Variants in RORA observed in about 807,000 individuals in gnomAD.
The protein encoded by RORA is nuclear receptor ROR-alpha.
A neutral mutation model predicts 69.5 loss-of-function variants in RORA; 7 were observed. The observed-to-expected ratio is 0.10, with a 90% CI of 0.06 to 0.19. The LOEUF (loss-of-function observed/expected upper bound fraction) is 0.19, where lower values mean the gene tolerates loss of function less well. RORA is among the 10% of genes least tolerant of loss of function. The pLI, the probability that RORA is intolerant of heterozygous loss-of-function variation, is 1.00. For synonymous variants in RORA, 261 were observed against 240.8 expected (o/e 1.08, Z -0.78); for missense variants, 457 against 663.0 (o/e 0.69, Z 3.41).
chr15:60,775,694 G>C (rs989732776), intron 1 of RORA, among the ~76,000 whole-genome samples: 2 of 152,132 alleles, frequency 1.3e-5, no homozygotes, highest in African/African-American at 4.8e-5. Context: ...ATATTCCCTG[G>C]GGGGAAACAA....
intron 1 of RORA, among the ~76,000 whole-genome samples, chr15:61,209,761 T>G (rs900039848): frequency 6.6e-6 from 1 of 152,240 alleles, no homozygotes; most frequent in African/African-American, 2.4e-5. Context: ...GTCAAATGGT[T>G]ACACAACATC....
At chr15:61,062,450 G>A (rs180775365) in intron 1 of RORA, among the ~76,000 whole-genome samples, 3 of 152,228 alleles carry the variant, frequency 2.0e-5, no homozygotes, top group Admixed American at 6.5e-5. Context: ...AGAGCCGGAC[G>A]CCAGGCCTGG....
chr15:60,751,536 T>A (rs1226825278), intron 1 of RORA, among the ~76,000 whole-genome samples: 1 of 152,192 alleles, frequency 6.6e-6, no homozygotes, highest in East Asian at 1.9e-4. Flanking sequence ...TTTATCCCAC[T>A]TTACAAATGA....
intron 1 of RORA, among the ~76,000 whole-genome samples, chr15:61,206,591 A>AC (rs1333016209): frequency 6.6e-6 from 1 of 152,038 alleles, no homozygotes; most frequent in Non-Finnish European, 1.5e-5. Context: ...CCCGCCCTTC[A>AC]CCCCGACCAC....
At chr15:60,597,929 A>G (rs2068733533) in intron 2 of RORA, among the ~76,000 whole-genome samples, 1 of 151,740 alleles carries the variant, frequency 6.6e-6, no homozygotes, top group African/African-American at 2.4e-5. Context: ...TACTTCTCCA[A>G]GAAGCCTTCT....
intron 1 of RORA, among the ~76,000 whole-genome samples, chr15:61,134,360 A>G (rs1319791100): frequency 6.6e-6 from 1 of 152,188 alleles, no homozygotes; most frequent in Non-Finnish European, 1.5e-5. Flanking sequence ...GGCTCTGCAG[A>G]CTGCTGCTGG....
At chr15:60,768,134 C>G (rs1043760381) in intron 1 of RORA, among the ~76,000 whole-genome samples, 1 of 152,192 alleles carries the variant, frequency 6.6e-6, no homozygotes. Flanking sequence ...TTCTCATCCC[C>G]CATCATGACA....
chr15:60,874,480 T>C (rs1216256083), intron 1 of RORA, among the ~76,000 whole-genome samples: 1 of 152,138 alleles, frequency 6.6e-6, no homozygotes, highest in Non-Finnish European at 1.5e-5. Context: ...CTGTCTTTTG[T>C]AAGACTCAAC....
rs1555444614 is a variant in RORA, at chr15:60,669,371, GTTTT to G, written c.196+9282_196+9285del. Among the ~76,000 whole-genome samples the G allele has an allele frequency of 7.2e-5, 8 of 111,204 alleles. No homozygotes were observed. The South Asian group carries it at 1.4e-3, about 19-fold the overall frequency. 73.0% of individuals were successfully genotyped at this position (111,204 alleles called of 152,430 possible). ...TGTTTGTTTGTTTGTTTGTTTGTTT[GTTTT>G]TTTAACGTAGTTGGTCACAGGAGCA... On this transcript the variant is annotated intron_variant, in intron 2 of 10. Transcript: ENST00000335670.
intron 1 of RORA, among the ~76,000 whole-genome samples, chr15:61,069,258 T>C (rs2078306997): frequency 6.6e-6 from 1 of 152,222 alleles, no homozygotes; most frequent in African/African-American, 2.4e-5. Flanking sequence ...ATAAACTAGT[T>C]GATCACTGCA....
At chr15:61,036,231 G>A (rs1050247854) in intron 1 of RORA, among the ~76,000 whole-genome samples, 1 of 152,134 alleles carries the variant, frequency 6.6e-6, no homozygotes, top group Non-Finnish European at 1.5e-5. Flanking sequence ...AATTCTACTA[G>A]AAAGACAGGA....
chr15:60,671,067 GATAT>G lies in RORA; in HGVS notation c.196+7586_196+7589del, dbSNP rs10577286. ...TCTTATATCTCCTATATATCCCATTGATATATATATATATATATATATATATATA... is the reference window on the plus strand; with the variant it reads ...TCTTATATCTCCTATATATCCCATTGATATATATATATATATATATATATA... On this transcript the variant is annotated intron_variant, in intron 2 of 10. Transcript: ENST00000335670. Among the ~76,000 whole-genome samples, 420 of 122,276 alleles carry G rather than the reference GATAT, an allele frequency of 3.4e-3. 22 individuals carry two copies. Among genetic ancestry groups the G allele is most frequent in the African/African-American group, 0.011 (266 of 24,604 alleles). The allele number at this position is 122,276 out of a possible 152,430, so 80.2% of individuals were successfully genotyped here. A position where few individuals can be genotyped will look rare whatever the true frequency, so the allele number is the denominator to read the frequency against.
At chr15:60,804,006 A>G (rs928380104) in intron 1 of RORA, among the ~76,000 whole-genome samples, 11 of 152,206 alleles carry the variant, frequency 7.2e-5, no homozygotes, top group Middle Eastern at 3.4e-3. Flanking sequence ...ATGAACTACC[A>G]GGGCCAGGTG....
intron 1 of RORA, among the ~76,000 whole-genome samples, chr15:60,702,159 C>T (rs1405689789): frequency 1.3e-5 from 2 of 152,148 alleles, no homozygotes; most frequent in Admixed American, 6.5e-5. Flanking sequence ...CTCAAAGCCT[C>T]GGCTTTCTCT....
intron 1 of RORA, among the ~76,000 whole-genome samples, chr15:60,774,601 T>C (rs561043100): frequency 1.3e-5 from 2 of 152,340 alleles, no homozygotes; most frequent in East Asian, 3.9e-4. Context: ...TTAGTGGTAT[T>C]TGGGAGTCCT....
intron 1 of RORA, among the ~76,000 whole-genome samples, chr15:61,007,159 A>G (rs948237759): frequency 2.0e-5 from 3 of 152,124 alleles, no homozygotes; most frequent in Admixed American, 6.5e-5. Context: ...CCCAGAAAGG[A>G]CCAATTTGAT....
chr15:60,527,268 A>G (rs1171366337), intron 3 of RORA, among the ~76,000 whole-genome samples: 3 of 152,268 alleles, frequency 2.0e-5, no homozygotes, highest in Non-Finnish European at 4.4e-5. Flanking sequence ...TTGAGATCAA[A>G]TGTTCACCCT....
intron 2 of RORA, among the ~76,000 whole-genome samples, chr15:60,561,525 G>A (rs2067559805): frequency 6.6e-6 from 1 of 152,114 alleles, no homozygotes; most frequent in Admixed American, 6.5e-5. Flanking sequence ...CCGTGTTGTA[G>A]ATCCAGGAAC....
At chr15:61,089,499 C>T (rs978210124) in intron 1 of RORA, among the ~76,000 whole-genome samples, 1 of 152,166 alleles carries the variant, frequency 6.6e-6, no homozygotes, top group Non-Finnish European at 1.5e-5. Flanking sequence ...TGGCTGAGAC[C>T]TGCATCTTTC....
Sources: gnomAD v4.1 joint callset for allele counts (sites outside exome capture counted in the v4.1 genomes callset) on GRCh38, gnomAD v4.1.1 for gene constraint, MANE v1.5 for transcripts, NCBI Gene and HGNC (gene_info 2026-07-23, HGNC 2026-07-21) for gene names.